The following AGAP1 variants were observed in gnomAD, a reference collection of about 807,000 sequenced individuals.
AGAP1 encodes the protein ArfGAP with GTPase domain, ankyrin repeat and PH domain 1.
Under a neutral mutation model 105.3 loss-of-function variants are expected in AGAP1, and 29 were observed. That is an observed-to-expected ratio of 0.28 (90% CI 0.21 to 0.38). AGAP1 has a LOEUF of 0.38. Among genes scored for constraint, AGAP1 ranks in the 10% least tolerant of loss-of-function variants. The pLI, the probability that AGAP1 is intolerant of heterozygous loss-of-function variation, is 1.00. For missense variants in AGAP1, 998 were observed against 1,165.1 expected (o/e 0.86, Z 2.09); for synonymous variants, 509 against 485.9 (o/e 1.05, Z -0.63).
In AGAP1 at chr2:235,750,311, T is replaced by A; in HGVS notation, c.539-43T>A. The A allele has an allele frequency of 6.2e-7, 1 of 1,612,270 alleles. No homozygotes were observed. The highest frequency in any genetic ancestry group is 8.5e-7 in the Non-Finnish European group (1 of 1,178,440). On this transcript the variant is annotated intron_variant, in intron 5 of 17. Transcript: ENST00000304032. The surrounding 1 kb of genome is among the most constrained non-coding windows in gnomAD (Gnocchi z 5.3). Reference sequence around the variant, plus strand: ...GGGGAGTGTAGGAAGTATTTAGAGCTGTCATTGTCACTGTGCCGTTACTTT... The same window carrying A: ...GGGGAGTGTAGGAAGTATTTAGAGCAGTCATTGTCACTGTGCCGTTACTTT...
intron 1 of AGAP1, among the ~76,000 whole-genome samples, chr2:235,519,668 C>G (rs557099002): frequency 2.0e-5 from 3 of 152,210 alleles, no homozygotes; most frequent in African/African-American, 7.2e-5. Flanking sequence ...ACCAAAAAAT[C>G]CAAACACACA....
At position 235,712,909 on chromosome 2, in the gene AGAP1, A is replaced by G. The variant is rs1351513134; in HGVS notation, c.222+3672A>G. Among the ~76,000 whole-genome samples the G allele has an allele frequency of 5.3e-5, 8 of 151,978 alleles. No individual in the cohort carries two copies. The highest frequency in any genetic ancestry group is 5.2e-4 in the Admixed American group (8 of 15,270). On this transcript the variant is annotated intron_variant, in intron 2 of 17. Coordinates refer to ENST00000304032, the MANE Select transcript of AGAP1 (RefSeq NM_001037131.3). The surrounding 1 kb of genome is among the most constrained non-coding windows in gnomAD (Gnocchi z 6.0). ...AAACGGCATTTTGACCCCTTATTTT[A>G]TTTTCCTTTCACCATCAACTGTTAA...
rs1366108206 is a variant in AGAP1, at chr2:235,744,387, A to G, written c.397-311A>G. 6.6e-6 allele frequency among the ~76,000 whole-genome samples: 1 copy of G among 152,160 alleles called. No homozygotes were observed. The highest frequency in any genetic ancestry group is 1.5e-5 in the Non-Finnish European group (1 of 68,020). ...CGGGGCCGCCTTGGCAGGTCGGGGC[A>G]GCGGGCGGACAGGCCAGGAGCATGA... On this transcript the variant is annotated intron_variant, in intron 4 of 17. Transcript: ENST00000304032. The surrounding 1 kb of genome is among the most constrained non-coding windows in gnomAD (Gnocchi z 5.2).
chr2:235,949,868 C>G (rs1322475710), intron 12 of AGAP1, among the ~76,000 whole-genome samples: 1 of 152,206 alleles, frequency 6.6e-6, no homozygotes, highest in African/African-American at 2.4e-5. Context: ...ATGGAAAGTT[C>G]TGCCAGGAAA....
rs1375697748 is a variant in AGAP1 at position 236,009,498 on chromosome 2, TTAAA to T, written c.1646-27057_1646-27054del. ...TGACATTTATACTGATGGCGTCTTT[TTAAA>T]TAAATTAATACATGTCTGATGTGGA... is the stretch of plus-strand genomic sequence containing the variant. On this transcript the variant is annotated intron_variant, in intron 13 of 17. Transcript: ENST00000304032. The surrounding 1 kb of genome is among the most constrained non-coding windows in gnomAD (Gnocchi z 4.2). Among the ~76,000 whole-genome samples the T allele has an allele frequency of 6.6e-6, 1 of 152,224 alleles. No individual in the cohort carries two copies. Among genetic ancestry groups the T allele is most frequent in the Non-Finnish European group, 1.5e-5 (1 of 68,042 alleles).
At chr2:236,086,299 G>A (rs1425637553) in intron 16 of AGAP1, among the ~76,000 whole-genome samples, 1 of 152,136 alleles carries the variant, frequency 6.6e-6, no homozygotes, top group South Asian at 2.1e-4. Flanking sequence ...CTCAGAAGGC[G>A]AGACATAACT....
Position 235,625,694 on chromosome 2 carries a change from C to T in AGAP1, c.164-83485C>T, listed in dbSNP as rs1462736307. On this transcript the variant is annotated intron_variant, in intron 1 of 17. Coordinates refer to ENST00000304032, the MANE Select transcript of AGAP1 (RefSeq NM_001037131.3). This position sits in a 1 kb window ranked among gnomAD's most constrained non-coding sequence, Gnocchi z 4.0. ...ACAGAGTTGGTTGTGACATATTCAGCTGGGGGAAAATAGTCGTCTGAAATA... is the reference window on the plus strand; with the variant it reads ...ACAGAGTTGGTTGTGACATATTCAGTTGGGGGAAAATAGTCGTCTGAAATA... Among the ~76,000 whole-genome samples the T allele has an allele frequency of 6.6e-6, 1 of 152,096 alleles. No homozygotes were observed. The highest frequency in any genetic ancestry group is 2.4e-5 in the African/African-American group (1 of 41,410).
intron 1 of AGAP1, among the ~76,000 whole-genome samples, chr2:235,671,945 G>A (rs533028401): frequency 7.2e-5 from 11 of 152,300 alleles, no homozygotes; most frequent in African/African-American, 2.2e-4. Context: ...GGGGGATTCT[G>A]GGGGTGGAAG....
At chr2:235,849,596 G>A (rs1480054918) in intron 9 of AGAP1, among the ~76,000 whole-genome samples, 2 of 152,116 alleles carry the variant, frequency 1.3e-5, no homozygotes, top group South Asian at 2.1e-4. Flanking sequence ...ATGCCTGTAC[G>A]CTCAGAGCTC....
intron 12 of AGAP1, among the ~76,000 whole-genome samples, chr2:235,966,463 C>G (rs2054403497): frequency 6.6e-6 from 1 of 152,132 alleles, no homozygotes. Context: ...TTACCTCTCA[C>G]CTACCACCAG....
In AGAP1 at chr2:235,716,552, G is replaced by A. The variant is rs1951115604; in HGVS notation, c.223-1005G>A. Among the ~76,000 whole-genome samples the A allele has an allele frequency of 6.6e-6, 1 of 152,170 alleles. No individual in the cohort carries two copies. The highest frequency in any genetic ancestry group is 2.4e-5 in the African/African-American group (1 of 41,436). ...GCAGGTGGCCTTAATGAGCACCTGT[G>A]CCTGGGGATGGGTGCCTTGTGATGT... On this transcript the variant is annotated intron_variant, in intron 2 of 17. Coordinates refer to ENST00000304032, the MANE Select transcript of AGAP1 (RefSeq NM_001037131.3). The surrounding 1 kb of genome is among the most constrained non-coding windows in gnomAD (Gnocchi z 4.0).
rs2058037571 is a variant in AGAP1 at position 236,055,807 on chromosome 2, T to A, written c.2114+6526T>A. 6.6e-6 allele frequency among the ~76,000 whole-genome samples: 1 copy of A among 152,216 alleles called. No homozygotes were observed. Among genetic ancestry groups the A allele is most frequent in the African/African-American group, 2.4e-5 (1 of 41,460 alleles). On this transcript the variant is annotated intron_variant, in intron 16 of 17. Transcript: ENST00000304032. This position sits in a 1 kb window ranked among gnomAD's most constrained non-coding sequence, Gnocchi z 6.2. ...CTTAAGATATTTTAGCAACTTCTCT[T>A]AGCAAGCCAACTTGGAATCAGACTG...
In AGAP1 at chr2:235,900,870, C is replaced by T. The variant is rs1206512768; in HGVS notation, c.1156-7868C>T. On this transcript the variant is annotated intron_variant, in intron 10 of 17. Transcript: ENST00000304032. This position sits in a 1 kb window ranked among gnomAD's most constrained non-coding sequence, Gnocchi z 5.5. Reference sequence around the variant, plus strand: ...GCATGGGTCAGGTAGTCTTCAGGAACGCAGTTCTGAAAGTGAAACACTGGA... The same window carrying T: ...GCATGGGTCAGGTAGTCTTCAGGAATGCAGTTCTGAAAGTGAAACACTGGA... 6.6e-6 allele frequency among the ~76,000 whole-genome samples: 1 copy of T among 152,168 alleles called. No individual in the cohort carries two copies. The highest frequency in any genetic ancestry group is 2.4e-5 in the African/African-American group (1 of 41,420).
At chr2:235,771,489 C>T (rs1955443722) in intron 6 of AGAP1, among the ~76,000 whole-genome samples, 1 of 152,196 alleles carries the variant, frequency 6.6e-6, no homozygotes, top group African/African-American at 2.4e-5. Flanking sequence ...AGATGACGGG[C>T]GTGGCTTTTC....
rs2049883912 is a variant in AGAP1, at chr2:235,879,060, C to G, written c.1051-4285C>G. Among the ~76,000 whole-genome samples the G allele has an allele frequency of 6.6e-6, 1 of 152,236 alleles. No individual in the cohort carries two copies. The highest frequency in any genetic ancestry group is 6.5e-5 in the Admixed American group (1 of 15,288). ...GGAACAGGAGACTTTGGCAGCCCAG[C>G]AGCCCAGTGTCCTGGCAGGAGTGAA... On this transcript the variant is annotated intron_variant, in intron 9 of 17. Coordinates refer to ENST00000304032, the MANE Select transcript of AGAP1 (RefSeq NM_001037131.3). The surrounding 1 kb of genome is among the most constrained non-coding windows in gnomAD (Gnocchi z 5.0).
intron 10 of AGAP1, among the ~76,000 whole-genome samples, chr2:235,886,954 T>C (rs1245214616): frequency 3.9e-5 from 6 of 152,120 alleles, no homozygotes; most frequent in Non-Finnish European, 8.8e-5. Flanking sequence ...AGTCTGGTGG[T>C]CTTGGTTCAA....
Position 235,736,396 on chromosome 2 carries a change from A to G in AGAP1, c.311-4567A>G, listed in dbSNP as rs1324037673. 3.9e-5 allele frequency among the ~76,000 whole-genome samples: 6 copies of G among 152,274 alleles called. No homozygotes were observed. The highest frequency in any genetic ancestry group is 2.0e-4 in the Admixed American group (3 of 15,298). On this transcript the variant is annotated intron_variant, in intron 3 of 17. Coordinates refer to ENST00000304032, the MANE Select transcript of AGAP1 (RefSeq NM_001037131.3). The surrounding 1 kb of genome is among the most constrained non-coding windows in gnomAD (Gnocchi z 5.5). ...CGTACGTCATCATAATTGGCAGCAG[A>G]GAAGGTTGCACATCACTCATGGCAG...
At chr2:236,088,876 G>C (rs1310986496) in intron 16 of AGAP1, among the ~76,000 whole-genome samples, 1 of 152,162 alleles carries the variant, frequency 6.6e-6, no homozygotes, top group Non-Finnish European at 1.5e-5. Flanking sequence ...CGAGTGCTCA[G>C]TTGGTATTTC....
In AGAP1 at chr2:235,741,779, A is replaced by T. The variant is rs1952603672; in HGVS notation, c.396+731A>T. On this transcript the variant is annotated intron_variant, in intron 4 of 17. Transcript: ENST00000304032. This position sits in a 1 kb window ranked among gnomAD's most constrained non-coding sequence, Gnocchi z 4.9. Reference sequence around the variant, plus strand: ...TTTATTTATTTTTTTTTTTTGAGACAGTCTCGCTCTGTTACCCAGGCTGGA... The same window carrying T: ...TTTATTTATTTTTTTTTTTTGAGACTGTCTCGCTCTGTTACCCAGGCTGGA... Among the ~76,000 whole-genome samples, 1 of 149,364 alleles carries T rather than the reference A, an allele frequency of 6.7e-6. No individual in the cohort carries two copies. The highest frequency in any genetic ancestry group is 2.5e-5 in the African/African-American group (1 of 40,530).
Sources: allele counts gnomAD v4.1 joint callset (sites outside exome capture counted in the v4.1 genomes callset), GRCh38; gene constraint gnomAD v4.1.1; non-coding constraint Gnocchi (gnomAD v3.1); transcripts MANE v1.5; gene names NCBI Gene and HGNC (gene_info 2026-07-23, HGNC 2026-07-21).